Variants in FARS2 observed in about 807,000 individuals in gnomAD.
The protein encoded by FARS2 is phenylalanyl-tRNA synthetase 2, mitochondrial.
In FARS2, 40 loss-of-function variants were observed where a neutral mutation model predicts 46.4. That is an observed-to-expected ratio of 0.86 (90% CI 0.67 to 1.12). The LOEUF (loss-of-function observed/expected upper bound fraction) is 1.12. Among genes scored for constraint, FARS2 ranks in the 50% most tolerant of loss-of-function variants. The pLI, the probability that FARS2 is intolerant of heterozygous loss-of-function variation, is 0.00. For missense variants in FARS2, 513 were observed against 567.9 expected, an observed-to-expected ratio of 0.90 and a Z score of 0.98; for synonymous variants, 234 against 214.9, an observed-to-expected ratio of 1.09 and a Z score of -0.78.
intron 4 of FARS2, among the ~76,000 whole-genome samples, chr6:5,476,053 G>A (rs1766104779): frequency 1.3e-5 from 2 of 152,128 alleles, no homozygotes; most frequent in African/African-American, 4.8e-5. Context: ...GACATGATGG[G>A]GGAAAAGTGT....
intron 6 of FARS2, among the ~76,000 whole-genome samples, chr6:5,708,748 C>T (rs1363166431): frequency 6.6e-6 from 1 of 152,108 alleles, no homozygotes; most frequent in Non-Finnish European, 1.5e-5. Flanking sequence ...GTAGCTGTGA[C>T]CTCCTGGGCT....
In FARS2 at chr6:5,368,533, CTG is replaced by C; in HGVS notation, c.-21-12_-21-11del. 6.4e-7 allele frequency: 1 copy of C among 1,566,824 alleles called. No homozygotes were observed. Among genetic ancestry groups the C allele is most frequent in the Non-Finnish European group, 8.7e-7 (1 of 1,155,172 alleles). On this transcript the variant is annotated splice_polypyrimidine_tract_variant and intron_variant, in intron 1 of 6. Coordinates refer to ENST00000274680, the MANE Select transcript of FARS2 (RefSeq NM_006567.5). ...GAGTGACACCTGACTTGTGCTTTGC[CTG>C]TGTGCTCTTTCCAGAACCTGTGAGA...
At chr6:5,602,524 G>A (rs1306981617) in intron 5 of FARS2, among the ~76,000 whole-genome samples, 3 of 151,744 alleles carry the variant, frequency 2.0e-5, no homozygotes, top group Non-Finnish European at 4.4e-5. Flanking sequence ...GTGGCCACCT[G>A]CAGTCCCAGC....
chr6:5,289,508 G>A, intron 1 of FARS2, among the ~76,000 whole-genome samples: 1 of 152,228 alleles, frequency 6.6e-6, no homozygotes, highest in East Asian at 1.9e-4. Context: ...TGGTTACTTG[G>A]TGTACACTCT....
intron 3 of FARS2, among the ~76,000 whole-genome samples, chr6:5,414,253 G>C (rs1221495830): frequency 6.6e-6 from 1 of 152,112 alleles, no homozygotes; most frequent in Non-Finnish European, 1.5e-5. Flanking sequence ...TTACTCTTTT[G>C]TTTATTGAAT....
chr6:5,270,981 C>G (rs1051209175), intron 1 of FARS2, among the ~76,000 whole-genome samples: 2 of 152,214 alleles, frequency 1.3e-5, no homozygotes, highest in Non-Finnish European at 2.9e-5. Flanking sequence ...CTCTGTTAAG[C>G]TCCCTTAGTA....
intron 5 of FARS2, among the ~76,000 whole-genome samples, chr6:5,588,952 A>G (rs1773769035): frequency 6.6e-6 from 1 of 152,184 alleles, no homozygotes; most frequent in African/African-American, 2.4e-5. Flanking sequence ...TTAATACTGT[A>G]TGAGAGGGAG....
chr6:5,580,805 G>A (rs1352164291), intron 5 of FARS2, among the ~76,000 whole-genome samples: 4 of 152,192 alleles, frequency 2.6e-5, no homozygotes, highest in Admixed American at 1.3e-4. Flanking sequence ...CCCTCTTCAC[G>A]TCCACATTGG....
upstream of FARS2, chr6:5,261,040 C>G: frequency 1.2e-6 from 1 of 854,442 alleles, no homozygotes; most frequent in Non-Finnish European, 1.5e-6. Context: ...CCAGCAGCCG[C>G]TCCACGCGGC....
intron 6 of FARS2, among the ~76,000 whole-genome samples, chr6:5,760,915 C>A (rs1348723932): frequency 6.6e-6 from 1 of 152,236 alleles, no homozygotes; most frequent in Non-Finnish European, 1.5e-5. Flanking sequence ...CAGCTTCCTA[C>A]GGTGATTGTA....
chr6:5,346,049 C>T (rs903122687), intron 1 of FARS2, among the ~76,000 whole-genome samples: 5 of 152,148 alleles, frequency 3.3e-5, no homozygotes, highest in Admixed American at 6.5e-5. Context: ...GCTCACTGGC[C>T]GGGGCGTCCT....
intron 6 of FARS2, among the ~76,000 whole-genome samples, chr6:5,675,239 C>CAT (rs58392905): frequency 6.9e-6 from 1 of 145,764 alleles, no homozygotes; most frequent in Non-Finnish European, 1.5e-5. Context: ...CACACACACA[C>CAT]GGTGCTATGT....
chr6:5,632,240 G>A (rs1027711551), intron 6 of FARS2, among the ~76,000 whole-genome samples: 7 of 152,246 alleles, frequency 4.6e-5, no homozygotes, highest in East Asian at 1.9e-4. Context: ...CAGGCGAGAC[G>A]TGCTCTACAG....
chr6:5,268,555 T>C (rs1184794817), intron 1 of FARS2, among the ~76,000 whole-genome samples: 1 of 152,206 alleles, frequency 6.6e-6, no homozygotes, highest in Non-Finnish European at 1.5e-5. Flanking sequence ...TCTGTTCCGT[T>C]GATCTATATC....
At chr6:5,398,776 A>G (rs929860685) in intron 2 of FARS2, among the ~76,000 whole-genome samples, 11 of 152,174 alleles carry the variant, frequency 7.2e-5, no homozygotes, top group African/African-American at 2.7e-4. Context: ...CACATGGCTC[A>G]TTCTAGCCCT....
At chr6:5,728,100 T>C (rs558623001) in intron 6 of FARS2, among the ~76,000 whole-genome samples, 12 of 152,336 alleles carry the variant, frequency 7.9e-5, no homozygotes, top group African/African-American at 2.9e-4. Flanking sequence ...TGCAAATTGG[T>C]CATTAATGTT....
intron 4 of FARS2, among the ~76,000 whole-genome samples, chr6:5,543,564 T>G (rs2150495712): frequency 6.6e-6 from 1 of 152,192 alleles, no homozygotes; most frequent in Admixed American, 6.5e-5. Context: ...GGGGTTTCAC[T>G]GTTGGCCAGG....
At chr6:5,509,377 C>T (rs188257505) in intron 4 of FARS2, among the ~76,000 whole-genome samples, 20 of 152,312 alleles carry the variant, frequency 1.3e-4, no homozygotes, top group Admixed American at 9.8e-4. Flanking sequence ...GCGGCCCCTC[C>T]GTCTGGTGAA....
chr6:5,747,838 T>C (rs189160697), intron 6 of FARS2, among the ~76,000 whole-genome samples: 2 of 152,362 alleles, frequency 1.3e-5, no homozygotes. Flanking sequence ...TTTTGAGTTG[T>C]CAACCCATTT....
Sources: gnomAD v4.1 joint callset for allele counts (sites outside exome capture counted in the v4.1 genomes callset) on GRCh38, gnomAD v4.1.1 for gene constraint, MANE v1.5 for transcripts, NCBI Gene and HGNC (gene_info 2026-07-23, HGNC 2026-07-21) for gene names.